CHLSN: variants seen among roughly 807,000 people sequenced by gnomAD.
CHLSN encodes cholesin, also known as protein cholesin.
chr7:1,131,978 T>C, the CHLSN span, among the ~76,000 whole-genome samples: 1 of 152,208 alleles, frequency 6.6e-6, no homozygotes, highest in South Asian at 2.1e-4. Context: ...GAAAGACAAA[T>C]GGTGCCAGGA....
At chr7:1,002,052 CGGGTGGGGAGTCCTGT>C in the CHLSN span, among the ~76,000 whole-genome samples, 1 of 34,866 alleles carries the variant, frequency 2.9e-5, no homozygotes, top group Non-Finnish European at 5.3e-5. Flanking sequence ...TGGAGTCCTG[CGGGTGGGGAGTCCTGT>C]GGGTGGGGAG....
chr7:1,028,406 C>T, the CHLSN span: 1 of 986,808 alleles, frequency 1.0e-6, no homozygotes, highest in South Asian at 4.6e-5. Context: ...GGAACCAGAT[C>T]CAGCCGGCTG....
the CHLSN span, among the ~76,000 whole-genome samples, chr7:1,102,578 T>A: frequency 3.9e-4 from 36 of 92,040 alleles, no homozygotes; most frequent in Non-Finnish European, 6.0e-4. Context: ...GTTTTTAAAA[T>A]TTTTTTTTTT....
the CHLSN span, among the ~76,000 whole-genome samples, chr7:1,105,570 G>C: frequency 5.3e-5 from 8 of 151,760 alleles, no homozygotes; most frequent in East Asian, 1.5e-3. Flanking sequence ...AAAATACTTA[G>C]AAAAAAAAAT....
At chr7:1,113,519 G>A in the CHLSN span, among the ~76,000 whole-genome samples, 1 of 152,212 alleles carries the variant, frequency 6.6e-6, no homozygotes, top group Non-Finnish European at 1.5e-5. Flanking sequence ...AGCATCACGA[G>A]GTGCTGATGG....
the CHLSN span, among the ~76,000 whole-genome samples, chr7:1,099,104 C>T: frequency 7.0e-6 from 1 of 142,040 alleles, no homozygotes; most frequent in Admixed American, 7.2e-5. Flanking sequence ...CCTCCCCTTC[C>T]GGAGCCTCGC....
chr7:1,060,367 CT>C, the CHLSN span, among the ~76,000 whole-genome samples: 1 of 152,188 alleles, frequency 6.6e-6, no homozygotes, highest in Admixed American at 6.5e-5. Context: ...GACCCCACCC[CT>C]TCTGAAGACG....
At chr7:1,032,636 G>A in the CHLSN span, among the ~76,000 whole-genome samples, 3 of 150,324 alleles carry the variant, frequency 2.0e-5, no homozygotes, top group African/African-American at 7.4e-5. Flanking sequence ...ACACCTCCAG[G>A]CACCCCCAGG....
the CHLSN span, among the ~76,000 whole-genome samples, chr7:1,080,472 C>A: frequency 5.3e-5 from 8 of 152,146 alleles, no homozygotes; most frequent in Admixed American, 5.2e-4. Context: ...GCGTGACGGT[C>A]CGGGGAGTCT....
the CHLSN span, among the ~76,000 whole-genome samples, chr7:1,103,674 G>C: frequency 6.6e-6 from 1 of 152,194 alleles, no homozygotes; most frequent in Admixed American, 6.5e-5. Context: ...CTTTCATTAT[G>C]ATCGAGTTTA....
the CHLSN span, among the ~76,000 whole-genome samples, chr7:1,068,258 C>A: frequency 6.6e-6 from 1 of 152,142 alleles, no homozygotes; most frequent in Non-Finnish European, 1.5e-5. Context: ...TCACGCCACA[C>A]CCCTGGCACG....
the CHLSN span, among the ~76,000 whole-genome samples, chr7:996,192 C>A: frequency 6.6e-6 from 1 of 152,202 alleles, no homozygotes. Context: ...GCAGTGGCCA[C>A]GGGAAGCCCC....
chr7:1,035,395 C>T, the CHLSN span, among the ~76,000 whole-genome samples: 3 of 152,264 alleles, frequency 2.0e-5, no homozygotes, highest in African/African-American at 7.2e-5. Flanking sequence ...ATGGAGCAAT[C>T]TGATTTCTGA....
At chr7:1,049,022 T>C in the CHLSN span, among the ~76,000 whole-genome samples, 1 of 152,074 alleles carries the variant, frequency 6.6e-6, no homozygotes, top group Non-Finnish European at 1.5e-5. Flanking sequence ...AGTCTGAGCG[T>C]GCGCTCCCCA....
the CHLSN span, chr7:1,023,092 C>T: frequency 2.4e-6 from 1 of 416,642 alleles, no homozygotes; most frequent in South Asian, 1.6e-5. This position sits in a 1 kb window ranked among gnomAD's most constrained non-coding sequence, Gnocchi z 5.0. Flanking sequence ...TGCCATGGTG[C>T]CGTGGCAATG....
the CHLSN span, among the ~76,000 whole-genome samples, chr7:1,001,900 T>C: frequency 4.7e-3 from 143 of 30,728 alleles, 5 homozygotes; most frequent in African/African-American, 0.019. Context: ...TGGAGTCCTG[T>C]GGGTGGGGAG....
At chr7:997,813 G>C in the CHLSN span, 1 of 1,593,966 alleles carries the variant, frequency 6.3e-7, no homozygotes, top group Non-Finnish European at 8.6e-7. Flanking sequence ...ACCTGGACGG[G>C]AAAGAGATCG....
At chr7:1,043,692 T>C in the CHLSN span, 1 of 152,362 alleles carries the variant, frequency 6.6e-6, no homozygotes, top group Non-Finnish European at 1.5e-5. Flanking sequence ...AGAAAGCTGA[T>C]CCCGACGTCC....
At chr7:1,047,275 A>G in the CHLSN span, among the ~76,000 whole-genome samples, 1 of 152,202 alleles carries the variant, frequency 6.6e-6, no homozygotes, top group Non-Finnish European at 1.5e-5. Flanking sequence ...AGCCGCAAAC[A>G]TGCTCGCTAT....
Sources: gnomAD v4.1 joint callset for allele counts (sites outside exome capture counted in the v4.1 genomes callset) on GRCh38, gnomAD v4.1.1 for gene constraint, Gnocchi (gnomAD v3.1) non-coding constraint, MANE v1.5 for transcripts, NCBI Gene and HGNC (gene_info 2026-07-23, HGNC 2026-07-21) for gene names.